THSD4: variants seen among roughly 807,000 people sequenced by gnomAD.
THSD4 encodes thrombospondin type-1 domain-containing protein 4.
In THSD4, 69 loss-of-function variants were observed where a neutral mutation model predicts 119.0. The ratio of observed to expected loss-of-function variants is 0.58; its 90% CI spans 0.48 to 0.71. THSD4 has a LOEUF of 0.71. Ranked by LOEUF, THSD4 falls within the 30% of genes least tolerant of loss-of-function variation. The pLI is 0.00. For synonymous variants in THSD4, 524 were observed against 540.4 expected, an observed-to-expected ratio of 0.97 and a Z score of 0.42; for missense variants, 1,393 against 1,391.1, an observed-to-expected ratio of 1.00 and a Z score of -0.02.
intron 7 of THSD4, among the ~76,000 whole-genome samples, chr15:71,525,648 G>A (rs1003038356): frequency 1.3e-5 from 2 of 152,192 alleles, no homozygotes; most frequent in African/African-American, 4.8e-5. Flanking sequence ...CTTTTGTTAT[G>A]GTCCATGGAC....
intron 5 of THSD4, among the ~76,000 whole-genome samples, chr15:71,253,609 A>C (rs922826774): frequency 2.6e-5 from 4 of 152,078 alleles, no homozygotes; most frequent in African/African-American, 4.8e-5. Context: ...GGGTTACACT[A>C]TATTGGCAGG....
chr15:71,532,069 G>A (rs1173486434), intron 7 of THSD4, among the ~76,000 whole-genome samples: 1 of 140,260 alleles, frequency 7.1e-6, no homozygotes, highest in Non-Finnish European at 1.6e-5. Context: ...TACAGTCCAA[G>A]CCATGCTGAG....
intron 6 of THSD4, among the ~76,000 whole-genome samples, chr15:71,276,716 T>G (rs1225964139): frequency 6.6e-6 from 1 of 152,240 alleles, no homozygotes; most frequent in Non-Finnish European, 1.5e-5. Flanking sequence ...TTCATTATAT[T>G]TGACTACAAA....
intron 1 of THSD4, among the ~76,000 whole-genome samples, chr15:71,123,612 G>A (rs527266546): frequency 6.6e-6 from 1 of 152,304 alleles, no homozygotes; most frequent in South Asian, 2.1e-4. Flanking sequence ...CAGCGGGCAG[G>A]TGAGAGGAAA....
intron 3 of THSD4, among the ~76,000 whole-genome samples, chr15:71,189,577 G>A (rs564493942): frequency 7.2e-5 from 11 of 152,212 alleles, no homozygotes; most frequent in African/African-American, 2.4e-4. Flanking sequence ...GGCTGAGGCA[G>A]GAGAATGGCG....
At chr15:71,646,631 C>T (rs2050974261) in intron 7 of THSD4, among the ~76,000 whole-genome samples, 1 of 152,278 alleles carries the variant, frequency 6.6e-6, no homozygotes, top group Non-Finnish European at 1.5e-5. Context: ...TTTTTACAAA[C>T]ATAAACTGGC....
At chr15:71,173,698 A>AC (rs1356477188) in intron 3 of THSD4, among the ~76,000 whole-genome samples, 2 of 151,870 alleles carry the variant, frequency 1.3e-5, no homozygotes, top group Non-Finnish European at 2.9e-5. Flanking sequence ...GTCTCAAAGG[A>AC]CCCCAAATAG....
rs545285164 is a variant in THSD4 at position 71,512,156 on chromosome 15, GTTC to G, written c.1152+100339_1152+100341del. Among the ~76,000 whole-genome samples the G allele has an allele frequency of 3.0e-3, 460 of 152,316 alleles. 3 individuals are homozygous for G. Among genetic ancestry groups the G allele is most frequent in the African/African-American group, 0.01 (417 of 41,564 alleles). ...ACATGGCAAATTCTATGCCTAATGT[GTTC>G]TTCTTTGGTGTGGAGGTTCCGATGA... On this transcript the variant is annotated intron_variant, in intron 7 of 17. Coordinates refer to ENST00000261862, the MANE Select transcript of THSD4 (RefSeq NM_024817.3).
chr15:71,235,821 C>G (rs1315765658), intron 4 of THSD4, among the ~76,000 whole-genome samples: 3 of 152,112 alleles, frequency 2.0e-5, no homozygotes, highest in Non-Finnish European at 4.4e-5. Context: ...GAACTCCTGG[C>G]CTTAAGTGAT....
At chr15:71,490,051 C>A (rs991899152) in intron 7 of THSD4, among the ~76,000 whole-genome samples, 2 of 152,080 alleles carry the variant, frequency 1.3e-5, no homozygotes, top group Non-Finnish European at 2.9e-5. Context: ...GAGCATTTTC[C>A]CATTTCACTA....
intron 8 of THSD4, among the ~76,000 whole-genome samples, chr15:71,711,061 AT>A (rs1233922763): frequency 7.0e-6 from 1 of 143,238 alleles, no homozygotes; most frequent in African/African-American, 2.8e-5. Flanking sequence ...ATGCATGATT[AT>A]TGAAAGCAAA....
chr15:71,221,423 C>T (rs77031116), intron 4 of THSD4, among the ~76,000 whole-genome samples: 1,703 of 152,278 alleles, frequency 0.011, 28 homozygotes, highest in African/African-American at 0.038. Flanking sequence ...ACCCATGAAA[C>T]AATAACTTCA....
intron 6 of THSD4, among the ~76,000 whole-genome samples, chr15:71,353,686 CAAAG>C (rs1425529561): frequency 5.3e-5 from 8 of 152,102 alleles, no homozygotes; most frequent in Admixed American, 1.3e-4. Context: ...TCTGTTAGCC[CAAAG>C]AAAGAGGAGC....
chr15:71,777,032 C>T (rs2053925723), intron 17 of THSD4, among the ~76,000 whole-genome samples, 200 bp from the exon 18 acceptor site: 1 of 152,176 alleles, frequency 6.6e-6, no homozygotes, highest in Non-Finnish European at 1.5e-5. Flanking sequence ...AGATGAGTAA[C>T]TTATTCTCTA....
chr15:71,436,278 A>T (rs540630039), intron 7 of THSD4, among the ~76,000 whole-genome samples: 100 of 152,262 alleles, frequency 6.6e-4, no homozygotes, highest in Non-Finnish European at 1.1e-3. Flanking sequence ...GACAAAACAA[A>T]ACAGGAAGAC....
intron 10 of THSD4, among the ~76,000 whole-genome samples, chr15:71,736,958 A>ATG (rs1291061606): frequency 2.0e-5 from 3 of 152,198 alleles, no homozygotes; most frequent in Admixed American, 6.5e-5. Context: ...ACCTGTGTGT[A>ATG]TGTGTGTGTG....
chr15:71,746,990 C>A lies in THSD4; in HGVS notation c.2189C>A (p.Thr730Asn), dbSNP rs2053352095. Residue 730 changes from threonine to asparagine, a missense_variant, in exon 13 of 18, where the codon ACC (threonine) becomes AAC (asparagine). By Grantham distance (65) the Thr-to-Asn change is moderately conservative. Coordinates refer to ENST00000261862, the MANE Select transcript of THSD4 (RefSeq NM_024817.3). ...CTGGAGAAACCTGAGACCACCAGCA[C>A]CTGCCAACTCAAGATCTGCAGCGAG... is the stretch of plus-strand genomic sequence containing the variant. ...QHLEKPETTS[T>N]CQLKICSEWQ... The A allele has an allele frequency of 6.2e-7, 1 of 1,613,364 alleles. No homozygotes were observed. The highest frequency in any genetic ancestry group is 1.3e-5 in the African/African-American group (1 of 74,922).
rs551327231 is a variant in THSD4 at position 71,183,636 on chromosome 15, A to G, written c.99+28704A>G. ...GCTGCAACACATGCCAGGCCATGGA[A>G]TTTACCTTGCTGGCACATAAACGTC... On this transcript the variant is annotated intron_variant, in intron 3 of 17. Coordinates refer to ENST00000261862, the MANE Select transcript of THSD4 (RefSeq NM_024817.3). Among the ~76,000 whole-genome samples, 10 of 151,778 alleles carry G rather than the reference A, an allele frequency of 6.6e-5. No homozygotes were observed. In the South Asian group the frequency reaches 2.1e-3, roughly 32 times the overall value.
intron 6 of THSD4, among the ~76,000 whole-genome samples, chr15:71,263,280 CCTG>C (rs547035152): frequency 7.2e-4 from 106 of 146,920 alleles, no homozygotes; most frequent in African/African-American, 2.4e-3. Context: ...CATCCGTGTC[CCTG>C]CAAAGGACAT....
Sources: allele counts gnomAD v4.1 joint callset (sites outside exome capture counted in the v4.1 genomes callset), GRCh38; gene constraint gnomAD v4.1.1; transcripts MANE v1.5; gene names NCBI Gene and HGNC (gene_info 2026-07-23, HGNC 2026-07-21).